The following EFNA5 variants were observed in gnomAD, a reference collection of about 807,000 sequenced individuals.
The protein encoded by EFNA5 is ephrin A5, also known as ephrin-A5.
A neutral mutation model predicts 22.9 loss-of-function variants in EFNA5; 5 were observed. That is an observed-to-expected ratio of 0.22 (90% CI 0.11 to 0.46). EFNA5 has a LOEUF of 0.46. EFNA5 is among the 20% of genes least tolerant of loss of function. The pLI is 0.99. For missense variants in EFNA5, 237 were observed against 293.3 expected, an observed-to-expected ratio of 0.81 and a Z score of 1.40; for synonymous variants, 113 against 112.2, an observed-to-expected ratio of 1.01 and a Z score of -0.04.
intron 1 of EFNA5, among the ~76,000 whole-genome samples, chr5:107,612,065 G>A (rs1749826997): frequency 6.6e-6 from 1 of 152,098 alleles, no homozygotes; most frequent in Non-Finnish European, 1.5e-5. Context: ...TCAAATATAT[G>A]TACTTTCTTC....
intron 1 of EFNA5, among the ~76,000 whole-genome samples, chr5:107,569,017 C>T (rs769601501): frequency 6.6e-6 from 1 of 152,080 alleles, no homozygotes; most frequent in Non-Finnish European, 1.5e-5. Context: ...ACCTTAGTGG[C>T]CAAGTCCTTT....
At chr5:107,594,571 AG>A (rs1481707622) in intron 1 of EFNA5, among the ~76,000 whole-genome samples, 1 of 152,236 alleles carries the variant, frequency 6.6e-6, no homozygotes, top group Non-Finnish European at 1.5e-5. Context: ...AATTTTTTAA[AG>A]CAAAACCCAA....
chr5:107,544,721 T>G (rs998899701), intron 1 of EFNA5, among the ~76,000 whole-genome samples: 2 of 152,194 alleles, frequency 1.3e-5, no homozygotes, highest in Non-Finnish European at 2.9e-5. Context: ...CGTCACCCCA[T>G]ACTAGAATTA....
At chr5:107,544,210 A>G (rs1413712968) in intron 1 of EFNA5, among the ~76,000 whole-genome samples, 1 of 152,176 alleles carries the variant, frequency 6.6e-6, no homozygotes, top group East Asian at 1.9e-4. Flanking sequence ...TCTCCCTCCT[A>G]GAGAGCACTT....
At chr5:107,471,517 T>A (rs1750140640) in intron 1 of EFNA5, among the ~76,000 whole-genome samples, 2 of 152,242 alleles carry the variant, frequency 1.3e-5, no homozygotes, top group South Asian at 4.1e-4. Flanking sequence ...TTGATAAGGA[T>A]CATGTCACTA....
chr5:107,562,903 A>C (rs1216522126), intron 1 of EFNA5, among the ~76,000 whole-genome samples: 1 of 152,198 alleles, frequency 6.6e-6, no homozygotes, highest in Admixed American at 6.5e-5. Flanking sequence ...TTATAATGTA[A>C]TATTTATATT....
intron 1 of EFNA5, among the ~76,000 whole-genome samples, chr5:107,562,285 G>C (rs548062267): frequency 6.6e-6 from 1 of 151,936 alleles, no homozygotes; most frequent in South Asian, 2.1e-4. Flanking sequence ...AGTGAAGCCC[G>C]CCTTTTTAGA....
At chr5:107,650,143 A>T (rs191166170) in intron 1 of EFNA5, among the ~76,000 whole-genome samples, 1 of 152,276 alleles carries the variant, frequency 6.6e-6, no homozygotes, top group Non-Finnish European at 1.5e-5. Flanking sequence ...TAAACAACTA[A>T]ATTAGAAGAT....
chr5:107,404,316 C>T (rs1448251930), intron 2 of EFNA5, among the ~76,000 whole-genome samples: 1 of 152,144 alleles, frequency 6.6e-6, no homozygotes, highest in African/African-American at 2.4e-5. Flanking sequence ...TTTTAGGATT[C>T]TTTTCACTCC....
intron 1 of EFNA5, among the ~76,000 whole-genome samples, chr5:107,573,483 T>C (rs749316508): frequency 3.9e-5 from 6 of 151,978 alleles, no homozygotes; most frequent in Non-Finnish European, 1.5e-5. Context: ...TGTTTCTTCA[T>C]GCTCCTTATG....
intron 4 of EFNA5, 104 bp from the exon 5 acceptor site, chr5:107,381,480 G>A: frequency 2.3e-6 from 3 of 1,299,688 alleles, no homozygotes; most frequent in Non-Finnish European, 2.0e-6. Context: ...GCAAAGTAGG[G>A]TAATGAACCT....
chr5:107,606,538 AACACACACACACAC>A lies in EFNA5; in HGVS notation c.125+63937_125+63950del, dbSNP rs58031827. ...ATCATAGACACACACTTGCACGTAC[AACACACACACACAC>A]ACACACACACACACACACACACACA... On this transcript the variant is annotated intron_variant, in intron 1 of 4. Coordinates refer to ENST00000333274, the MANE Select transcript of EFNA5 (RefSeq NM_001962.3). 9.1e-3 allele frequency among the ~76,000 whole-genome samples: 1,310 copies of A among 144,180 alleles called. 11 individuals are homozygous for A. The highest frequency in any genetic ancestry group is 0.032 in the African/African-American group (1,218 of 38,416). The allele number at this position is 144,180 out of a possible 152,430, so 94.6% of individuals were successfully genotyped here.
chr5:107,546,745 T>C (rs1216037784), intron 1 of EFNA5, among the ~76,000 whole-genome samples: 1 of 151,996 alleles, frequency 6.6e-6, no homozygotes, highest in Non-Finnish European at 1.5e-5. Context: ...TGGCCATGCA[T>C]CTTAAATTTG....
chr5:107,664,931 G>A (rs762587513), intron 1 of EFNA5, among the ~76,000 whole-genome samples: 16 of 151,672 alleles, frequency 1.1e-4, no homozygotes, highest in Admixed American at 2.6e-4. Context: ...TATTGCTACC[G>A]AAGTTATTCA....
At chr5:107,551,906 T>TAAA (rs36004705) in intron 1 of EFNA5, among the ~76,000 whole-genome samples, 10 of 150,134 alleles carry the variant, frequency 6.7e-5, no homozygotes, top group Admixed American at 2.0e-4. Flanking sequence ...TGTAAGCTTT[T>TAAA]AAAAAAAAAA....
Position 107,670,932 on chromosome 5 carries a change from A to G in EFNA5, c.-319T>C. ...TGGTGGCGGCGGCGAGGGCGGGGGA[A>G]GAGGTGCCAAGCTGTGTCTCGGGCG... On this transcript the variant is annotated 5_prime_UTR_variant, in exon 1 of 5. Coordinates refer to ENST00000333274, the MANE Select transcript of EFNA5 (RefSeq NM_001962.3). 1 of 280,984 alleles carries G rather than the reference A, an allele frequency of 3.6e-6. No homozygotes were observed. Among genetic ancestry groups the G allele is most frequent in the South Asian group, 4.1e-5 (1 of 24,648 alleles). The allele number at this position is 280,984 out of a possible 1,614,324, so 17.4% of individuals were successfully genotyped here.
chr5:107,569,569 A>ATGTGTGTATATATATATT (rs1215608884), intron 1 of EFNA5, among the ~76,000 whole-genome samples: 1 of 21,756 alleles, frequency 4.6e-5, no homozygotes, highest in Non-Finnish European at 1.4e-4. Flanking sequence ...TTATATATAT[A>ATGTGTGTATATATATATT]TATATATATA....
intron 1 of EFNA5, among the ~76,000 whole-genome samples, chr5:107,499,139 C>G (rs548593980): frequency 6.6e-6 from 1 of 151,912 alleles, no homozygotes; most frequent in East Asian, 1.9e-4. Context: ...TCGAAAGACA[C>G]AAATATATAT....
intron 2 of EFNA5, among the ~76,000 whole-genome samples, chr5:107,409,579 T>C (rs1748306797): frequency 6.6e-6 from 1 of 152,238 alleles, no homozygotes; most frequent in South Asian, 2.1e-4. Flanking sequence ...TGTCCTTCTA[T>C]AGCCCCCAGC....
Sources: allele counts gnomAD v4.1 joint callset (sites outside exome capture counted in the v4.1 genomes callset), GRCh38; gene constraint gnomAD v4.1.1; transcripts MANE v1.5; gene names NCBI Gene and HGNC (gene_info 2026-07-23, HGNC 2026-07-21).